The following TNFSF13B variants were observed in gnomAD, a reference collection of about 807,000 sequenced individuals.
TNFSF13B encodes tumor necrosis factor ligand superfamily member 13B.
In TNFSF13B, 8 loss-of-function variants were observed where a neutral mutation model predicts 29.1. That is an observed-to-expected ratio of 0.27 (90% CI 0.16 to 0.50). The LOEUF (loss-of-function observed/expected upper bound fraction) is 0.50, where lower values mean the gene tolerates loss of function less well. Among genes scored for constraint, TNFSF13B ranks in the 20% least tolerant of loss-of-function variants. The pLI is 0.98. For missense variants in TNFSF13B, 248 were observed against 334.9 expected, an observed-to-expected ratio of 0.74 and a Z score of 2.03; for synonymous variants, 125 against 130.8, an observed-to-expected ratio of 0.96 and a Z score of 0.30.
In TNFSF13B at chr13:108,303,533, G is replaced by A. The variant is rs761632787; in HGVS notation, c.674G>A (p.Ser225Asn). The A allele has an allele frequency of 6.2e-7, 1 of 1,613,804 alleles. No homozygotes were observed. The highest frequency in any genetic ancestry group is 8.5e-7 in the Non-Finnish European group (1 of 1,179,822). Residue 225 changes from serine to asparagine, a missense_variant, in exon 5 of 6, where the codon AGT becomes AAT. By Grantham distance (46) the Ser-to-Asn change is conservative. This residue lies in a region of TNFSF13B where 62 missense variants were observed against 138.6 expected (regional missense o/e 0.45). Coordinates refer to ENST00000375887, the MANE Select transcript of TNFSF13B (RefSeq NM_006573.5). ...KKVHVFGDEL[S>N]LVTLFRCIQN... ...GTCCATGTCTTTGGGGATGAATTGAGTCTGGTGACTTTGTTTCGATGTATT... is the reference window on the plus strand; with the variant it reads ...GTCCATGTCTTTGGGGATGAATTGAATCTGGTGACTTTGTTTCGATGTATT...
intron 3 of TNFSF13B, among the ~76,000 whole-genome samples, chr13:108,288,895 T>C (rs917020866): frequency 1.3e-5 from 2 of 152,184 alleles, no homozygotes; most frequent in Non-Finnish European, 2.9e-5. Flanking sequence ...AGATGATGAA[T>C]GTGAGTTGGC....
chr13:108,274,232 G>A (rs1257978477), intron 2 of TNFSF13B, among the ~76,000 whole-genome samples: 1 of 151,540 alleles, frequency 6.6e-6, no homozygotes, highest in Non-Finnish European at 1.5e-5. Context: ...CATGGGGTCA[G>A]TGACCCTAAT....
At chr13:108,305,251 T>C (rs1881737885) in intron 5 of TNFSF13B, among the ~76,000 whole-genome samples, 1 of 152,126 alleles carries the variant, frequency 6.6e-6, no homozygotes, top group South Asian at 2.1e-4. Flanking sequence ...AGAGTATATA[T>C]AAGTACATAA....
At chr13:108,294,159 G>A (rs1250396147) in intron 3 of TNFSF13B, among the ~76,000 whole-genome samples, 1 of 150,778 alleles carries the variant, frequency 6.6e-6, no homozygotes, top group Non-Finnish European at 1.5e-5. Flanking sequence ...ATTAGTTTTA[G>A]TAGATTTTTT....
rs1328480113 is a variant in TNFSF13B at position 108,286,828 on chromosome 13, T to G, written c.450T>G (p.Ile150Met). 5 of 1,572,690 alleles carry G rather than the reference T, an allele frequency of 3.2e-6. No homozygotes were observed. Among genetic ancestry groups the G allele is most frequent in the Non-Finnish European group, 3.5e-6 (4 of 1,154,498 alleles). ...TCACTCAAGACTGCTTGCAACTGATTGCAGACAGTGAAACACCAACTATAC... is the reference window on the plus strand; with the variant it reads ...TCACTCAAGACTGCTTGCAACTGATGGCAGACAGTGAAACACCAACTATAC... ...ETVTQDCLQL[I>M]ADSETPTIQK... The change falls in exon 3 of 6, where the codon ATT becomes ATG. Residue 150 changes from isoleucine to methionine, a missense_variant. Physicochemically the swap from Ile to Met is conservative, Grantham distance 10. Around this residue, in one of 2 missense-constraint regions of TNFSF13B, gnomAD observed 186 missense variants for 196.3 expected, o/e 0.95. Coordinates refer to ENST00000375887, the MANE Select transcript of TNFSF13B (RefSeq NM_006573.5).
chr13:108,274,250 T>C (rs756346484), intron 2 of TNFSF13B, among the ~76,000 whole-genome samples: 25 of 151,972 alleles, frequency 1.6e-4, no homozygotes, highest in Non-Finnish European at 3.4e-4. Context: ...AATTCCTGTG[T>C]TGTTCAAGGA....
At position 108,280,132 on chromosome 13, in the gene TNFSF13B, A is replaced by T. The variant is rs373522157; in HGVS notation, c.425-6671A>T. ...CTGACGTAGATTAAGTCCTTAGTAA[A>T]TTTGTTAAAATGAAATGAATGAGAG... On this transcript the variant is annotated intron_variant, in intron 2 of 5. Coordinates refer to ENST00000375887, the MANE Select transcript of TNFSF13B (RefSeq NM_006573.5). Among the ~76,000 whole-genome samples the T allele has an allele frequency of 2.0e-5, 3 of 151,000 alleles. 1 individual carries two copies. In the East Asian group the frequency reaches 5.8e-4, roughly 29 times the overall value.
chr13:108,292,148 G>A (rs966822644), intron 3 of TNFSF13B, among the ~76,000 whole-genome samples: 11 of 151,784 alleles, frequency 7.2e-5, no homozygotes, highest in African/African-American at 1.5e-4. Flanking sequence ...GTCTCCCCAT[G>A]CCCCTGTACC....
At chr13:108,288,351 C>T (rs1482038265) in intron 3 of TNFSF13B, among the ~76,000 whole-genome samples, 1 of 152,144 alleles carries the variant, frequency 6.6e-6, no homozygotes, top group Non-Finnish European at 1.5e-5. Flanking sequence ...CCTTGGCTTA[C>T]AATGGAGTTA....
intron 2 of TNFSF13B, among the ~76,000 whole-genome samples, chr13:108,275,456 A>G (rs959856677): frequency 6.6e-6 from 1 of 152,068 alleles, no homozygotes. Flanking sequence ...GTTTTAGGAT[A>G]CAGAAAGACA....
intron 2 of TNFSF13B, among the ~76,000 whole-genome samples, chr13:108,271,425 T>C (rs1880609116): frequency 7.2e-6 from 1 of 138,930 alleles, no homozygotes; most frequent in Non-Finnish European, 1.5e-5. Flanking sequence ...TAGTGAGAGA[T>C]AGACCAGGGA....
In TNFSF13B at chr13:108,295,592, TTTC is replaced by T. The variant is rs61286834; in HGVS notation, c.482-7653_482-7651del. On this transcript the variant is annotated intron_variant, in intron 3 of 5. Transcript: ENST00000375887. ...TTCCTTCTGTCAATTTTGGGCTTAG[TTTC>T]TTCTTCTATTTCTATTTCCTTAAGC... is the stretch of plus-strand genomic sequence containing the variant. Among the ~76,000 whole-genome samples, 412 of 145,526 alleles carry T rather than the reference TTTC, an allele frequency of 2.8e-3. 50 individuals carry two copies. Among genetic ancestry groups the T allele is most frequent in the African/African-American group, 0.01 (393 of 38,732 alleles).
At chr13:108,292,000 C>T (rs1881328773) in intron 3 of TNFSF13B, among the ~76,000 whole-genome samples, 1 of 152,026 alleles carries the variant, frequency 6.6e-6, no homozygotes, top group Admixed American at 6.6e-5. Flanking sequence ...ATTCATATAA[C>T]ATAAAATTAA....
chr13:108,293,562 A>G lies in TNFSF13B; in HGVS notation c.481+6703A>G, dbSNP rs532092989. On this transcript the variant is annotated intron_variant, in intron 3 of 5. Coordinates refer to ENST00000375887, the MANE Select transcript of TNFSF13B (RefSeq NM_006573.5). Reference sequence around the variant, plus strand: ...AAATCTATCAATCCATGAACACAAGATATCTTCTCTTTTATTTATATGTCC... The same window carrying G: ...AAATCTATCAATCCATGAACACAAGGTATCTTCTCTTTTATTTATATGTCC... Among the ~76,000 whole-genome samples, 68 of 152,272 alleles carry G rather than the reference A, an allele frequency of 4.5e-4. 2 individuals are homozygous for G. In the South Asian group the frequency reaches 5.4e-3, roughly 12 times the overall value.
intron 2 of TNFSF13B, among the ~76,000 whole-genome samples, chr13:108,277,567 A>T (rs1880796607): frequency 6.6e-6 from 1 of 152,144 alleles, no homozygotes; most frequent in Admixed American, 6.5e-5. Flanking sequence ...GGGCGAATCC[A>T]CAGGGTAAAG....
intron 3 of TNFSF13B, chr13:108,302,850 C>T: frequency 1.0e-6 from 1 of 987,754 alleles, no homozygotes; most frequent in African/African-American, 1.7e-5. Flanking sequence ...CCAAACTCTT[C>T]AGATACTCTT....
At chr13:108,294,325 G>A (rs1417928521) in intron 3 of TNFSF13B, among the ~76,000 whole-genome samples, 1 of 151,606 alleles carries the variant, frequency 6.6e-6, no homozygotes, top group Non-Finnish European at 1.5e-5. Context: ...GATTACAGGC[G>A]CCTGCCACCA....
At chr13:108,298,072 T>C (rs1157362109) in intron 3 of TNFSF13B, among the ~76,000 whole-genome samples, 3 of 145,916 alleles carry the variant, frequency 2.1e-5, no homozygotes, top group Non-Finnish European at 4.6e-5. Context: ...GCACAGTATG[T>C]AACATTTTTA....
chr13:108,288,373 A>T (rs1350948401), intron 3 of TNFSF13B, among the ~76,000 whole-genome samples: 2 of 152,110 alleles, frequency 1.3e-5, no homozygotes, highest in African/African-American at 4.8e-5. Context: ...GTCCTGATAA[A>T]CCCATCCTAA....
Sources: allele counts gnomAD v4.1 joint callset (sites outside exome capture counted in the v4.1 genomes callset), GRCh38; gene constraint gnomAD v4.1.1; regional missense constraint gnomAD v4.1.1; transcripts MANE v1.5; gene names NCBI Gene and HGNC (gene_info 2026-07-23, HGNC 2026-07-21).